CSNK1A1: variants seen among roughly 807,000 people sequenced by gnomAD.
CSNK1A1 encodes the protein casein kinase I isoform alpha.
Under a neutral mutation model 46.1 loss-of-function variants are expected in CSNK1A1, and 7 were observed. The observed-to-expected ratio is 0.15, with a 90% CI of 0.09 to 0.29. CSNK1A1 has a LOEUF of 0.29. Among genes scored for constraint, CSNK1A1 ranks in the 10% least tolerant of loss-of-function variants. CSNK1A1 has a pLI of 1.00. For synonymous variants in CSNK1A1, 137 were observed against 141.5 expected (o/e 0.97, Z 0.23); for missense variants, 96 against 417.1 (o/e 0.23, Z 6.71).
rs1245984444 is a variant in CSNK1A1, at chr5:149,511,908, A to G, written c.597-36T>C. 5 of 1,477,236 alleles carry G rather than the reference A, an allele frequency of 3.4e-6. No homozygotes were observed. In the African/African-American group the frequency reaches 7.0e-5, roughly 21 times the overall value. 91.5% of individuals were successfully genotyped at this position (1,477,236 alleles called of 1,614,324 possible). On this transcript the variant is annotated intron_variant, in intron 5 of 9. Coordinates refer to ENST00000377843, the MANE Select transcript of CSNK1A1 (RefSeq NM_001892.6). ...GAACGTAATTTTATAAACTGGAACTATTATTATGAAAAAACATATGAAAGA... is the reference window on the plus strand; with the variant it reads ...GAACGTAATTTTATAAACTGGAACTGTTATTATGAAAAAACATATGAAAGA...
chr5:149,551,095 C>T lies in CSNK1A1; in HGVS notation c.-131G>A, dbSNP rs1195252055. On this transcript the variant is annotated 5_prime_UTR_variant, in exon 1 of 10. Coordinates refer to ENST00000377843, the MANE Select transcript of CSNK1A1 (RefSeq NM_001892.6). ...GGAAACGGAACACGGAGGCCTTTAC[C>T]GGGGTTCGGGGCCCAGAATCAGCAG... The T allele has an allele frequency of 1.0e-6, 1 of 961,652 alleles. No individual in the cohort carries two copies. The highest frequency in any genetic ancestry group is 1.6e-6 in the Non-Finnish European group (1 of 643,716). 59.6% of individuals were successfully genotyped at this position (961,652 alleles called of 1,614,324 possible). A position where few individuals can be genotyped will look rare whatever the true frequency, so the allele number is the denominator to read the frequency against.
At chr5:149,542,430 C>T (rs1182798385) in intron 2 of CSNK1A1, among the ~76,000 whole-genome samples, 1 of 134,176 alleles carries the variant, frequency 7.5e-6, no homozygotes, top group Non-Finnish European at 1.6e-5. Context: ...AAAATCATTC[C>T]CACCCCCACC....
chr5:149,512,646 T>C (rs1370355359), intron 5 of CSNK1A1, among the ~76,000 whole-genome samples: 2 of 152,208 alleles, frequency 1.3e-5, no homozygotes, highest in South Asian at 4.1e-4. Flanking sequence ...CAGGAGATGG[T>C]CCATCAACCC....
At chr5:149,497,412 TAGAA>T in intron 9 of CSNK1A1, 1 of 985,890 alleles carries the variant, frequency 1.0e-6, no homozygotes, top group Non-Finnish European at 1.2e-6. Flanking sequence ...CCGGCCGCAT[TAGAA>T]AGATTGTTTT....
At position 149,545,636 on chromosome 5, in the gene CSNK1A1, C is replaced by T. The variant is rs1580866531; in HGVS notation, c.230+4439G>A. The T allele has an allele frequency of 5.6e-6, 5 of 890,696 alleles. No individual in the cohort carries two copies. The Middle Eastern group carries it at 1.7e-3, about 310-fold the overall frequency. 55.2% of individuals were successfully genotyped at this position (890,696 alleles called of 1,614,324 possible). A position where few individuals can be genotyped will look rare whatever the true frequency, so the allele number is the denominator to read the frequency against. On this transcript the variant is annotated intron_variant, in intron 2 of 9. Coordinates refer to ENST00000377843, the MANE Select transcript of CSNK1A1 (RefSeq NM_001892.6). ...TTGGGCTTTACGAGGGCCCTGCTAG[C>T]CTCAGCAAGTGCACTCATTGCCTTG... is the stretch of plus-strand genomic sequence containing the variant.
intron 6 of CSNK1A1, among the ~76,000 whole-genome samples, chr5:149,511,187 G>C (rs756978084): frequency 3.0e-4 from 46 of 152,148 alleles, no homozygotes; most frequent in Non-Finnish European, 6.0e-4. Context: ...AAATTAGCTG[G>C]GCATGGTGGC....
intron 3 of CSNK1A1, among the ~76,000 whole-genome samples, chr5:149,522,922 G>A (rs1342864353): frequency 6.6e-6 from 1 of 152,136 alleles, no homozygotes; most frequent in Non-Finnish European, 1.5e-5. Flanking sequence ...ACTAAGTACA[G>A]TGGTAGGCTC....
In CSNK1A1 at chr5:149,525,023, T is replaced by C. The variant is rs1337264808; in HGVS notation, c.357+22A>G. 3.1e-6 allele frequency: 5 copies of C among 1,597,986 alleles called. No individual in the cohort carries two copies. In the African/African-American group the frequency reaches 4.0e-5, roughly 13 times the overall value. On this transcript the variant is annotated intron_variant, in intron 3 of 9. Transcript: ENST00000377843. This position sits in a 1 kb window ranked among gnomAD's most constrained non-coding sequence, Gnocchi z 4.2. The stretch of plus-strand genomic sequence containing the variant: ...TCAACAGTACTAGTCTCAGTTTATA[T>C]TCTAATCAAAATTTCACATACCTGG...
chr5:149,544,655 T>C (rs1762405474), intron 2 of CSNK1A1, among the ~76,000 whole-genome samples: 1 of 149,148 alleles, frequency 6.7e-6, no homozygotes, highest in African/African-American at 2.5e-5. Context: ...ACACAGGTTT[T>C]TTTCTGCCTC....
At position 149,525,545 on chromosome 5, in the gene CSNK1A1, C is replaced by T. The variant is rs1158376063; in HGVS notation, c.231-374G>A. On this transcript the variant is annotated intron_variant, in intron 2 of 9. Transcript: ENST00000377843. The surrounding 1 kb of genome is among the most constrained non-coding windows in gnomAD (Gnocchi z 4.2). ...AAGAAATGAAGATGACTCTATCAGT[C>T]ATTCCAAAATGTTTCAGAAAGCAAA... Among the ~76,000 whole-genome samples, 1 of 152,192 alleles carries T rather than the reference C, an allele frequency of 6.6e-6. No individual in the cohort carries two copies. Among genetic ancestry groups the T allele is most frequent in the Non-Finnish European group, 1.5e-5 (1 of 68,032 alleles).
chr5:149,502,207 T>G (rs866210692), intron 9 of CSNK1A1: 8 of 937,454 alleles, frequency 8.5e-6, no homozygotes, highest in Non-Finnish European at 1.0e-5. Flanking sequence ...TATAAAACAT[T>G]AGTAAATGCT....
Position 149,550,797 on chromosome 5 carries a change from G to C in CSNK1A1, c.123+45C>G. The stretch of plus-strand genomic sequence containing the variant: ...GGTGCACGGTGGTGGTGGGGGGAAT[G>C]AGTAAAAGCGCAGCGTTATCGTGAA... On this transcript the variant is annotated intron_variant, in intron 1 of 9. Coordinates refer to ENST00000377843, the MANE Select transcript of CSNK1A1 (RefSeq NM_001892.6). This position sits in a 1 kb window ranked among gnomAD's most constrained non-coding sequence, Gnocchi z 4.3. 1 of 1,612,978 alleles carries C rather than the reference G, an allele frequency of 6.2e-7. No individual in the cohort carries two copies. Among genetic ancestry groups the C allele is most frequent in the Non-Finnish European group, 8.5e-7 (1 of 1,179,304 alleles).
chr5:149,517,671 G>T lies in CSNK1A1; in HGVS notation c.456+2619C>A. On this transcript the variant is annotated intron_variant, in intron 4 of 9. Coordinates refer to ENST00000377843, the MANE Select transcript of CSNK1A1 (RefSeq NM_001892.6). This position sits in a 1 kb window ranked among gnomAD's most constrained non-coding sequence, Gnocchi z 4.4. ...ATGTCTGAATAATGCCAACGTAAGA[G>T]GTGCTTGAGCAAGATCTACATTCTC... The T allele has an allele frequency of 1.6e-6, 1 of 627,052 alleles. No homozygotes were observed. The highest frequency in any genetic ancestry group is 2.8e-6 in the Non-Finnish European group (1 of 352,254). 38.8% of individuals were successfully genotyped at this position (627,052 alleles called of 1,614,324 possible).
chr5:149,506,989 C>T (rs1236526053), intron 8 of CSNK1A1, 38 bp downstream of exon 8: 6 of 1,498,370 alleles, frequency 4.0e-6, no homozygotes, highest in Admixed American at 3.7e-5. Flanking sequence ...CAATTTCCCT[C>T]ACAGAGTTTA....
chr5:149,550,712 A>G lies in CSNK1A1; in HGVS notation c.123+130T>C, dbSNP rs1451473365. The G allele has an allele frequency of 2.3e-6, 3 of 1,318,588 alleles. No homozygotes were observed. Among genetic ancestry groups the G allele is most frequent in the Non-Finnish European group, 3.1e-6 (3 of 966,764 alleles). The allele number at this position is 1,318,588 out of a possible 1,614,324, so 81.7% of individuals were successfully genotyped here. A position where few individuals can be genotyped will look rare whatever the true frequency, so the allele number is the denominator to read the frequency against. ...CGGACGAGGTTCGTAAGCCAGGAAAACTAGCTCCCTGGACTCCCTGGCGAG... is the reference window on the plus strand; with the variant it reads ...CGGACGAGGTTCGTAAGCCAGGAAAGCTAGCTCCCTGGACTCCCTGGCGAG... On this transcript the variant is annotated intron_variant, in intron 1 of 9. Transcript: ENST00000377843. This position sits in a 1 kb window ranked among gnomAD's most constrained non-coding sequence, Gnocchi z 4.3.
chr5:149,549,789 C>T (rs939715956), intron 2 of CSNK1A1, among the ~76,000 whole-genome samples: 3 of 152,174 alleles, frequency 2.0e-5, no homozygotes, highest in African/African-American at 7.2e-5. Flanking sequence ...CCAACCCTTC[C>T]GCGTAGGGAT....
rs569688385 is a variant in CSNK1A1 at position 149,551,131 on chromosome 5, G to A, written c.-167C>T. 1.5e-5 allele frequency: 9 copies of A among 618,540 alleles called. No homozygotes were observed. The Admixed American group carries it at 2.1e-4, about 15-fold the overall frequency. The allele number at this position is 618,540 out of a possible 1,614,324, so 38.3% of individuals were successfully genotyped here. ...GCCCAGAATCAGCAGAGGGGAACCT[G>A]ATCACCGCCGCTCAGTCAGGTTTCT... On this transcript the variant is annotated 5_prime_UTR_variant, in exon 1 of 10. Coordinates refer to ENST00000377843, the MANE Select transcript of CSNK1A1 (RefSeq NM_001892.6).
At chr5:149,500,073 A>T (rs1760789451) in intron 9 of CSNK1A1, among the ~76,000 whole-genome samples, 1 of 128,468 alleles carries the variant, frequency 7.8e-6, no homozygotes, top group Non-Finnish European at 1.6e-5. Context: ...GGTTCACGCC[A>T]TTCTCCTGCC....
intron 2 of CSNK1A1, among the ~76,000 whole-genome samples, chr5:149,533,764 C>A (rs935258222): frequency 7.2e-5 from 11 of 151,750 alleles, no homozygotes; most frequent in South Asian, 2.1e-4. Context: ...TGAGGGACAG[C>A]ATGTGGAGAA....
Sources: gnomAD v4.1 joint callset for allele counts (sites outside exome capture counted in the v4.1 genomes callset) on GRCh38, gnomAD v4.1.1 for gene constraint, Gnocchi (gnomAD v3.1) non-coding constraint, MANE v1.5 for transcripts, NCBI Gene and HGNC (gene_info 2026-07-23, HGNC 2026-07-21) for gene names.